KANK4: variants seen among roughly 807,000 people sequenced by gnomAD.
The protein encoded by KANK4 is KN motif and ankyrin repeat domain-containing protein 4.
In KANK4, 50 loss-of-function variants were observed where a neutral mutation model predicts 80.8. The ratio of observed to expected loss-of-function variants is 0.62; its 90% CI spans 0.49 to 0.78. KANK4 has a LOEUF of 0.78. Ranked by LOEUF, KANK4 falls within the 30% of genes least tolerant of loss-of-function variation. The pLI is 0.00. For synonymous variants in KANK4, 465 were observed against 506.9 expected (o/e 0.92, Z 1.11); for missense variants, 1,196 against 1,240.1 (o/e 0.96, Z 0.53).
At chr1:62,313,696 G>A (rs1644515706) in intron 1 of KANK4, among the ~76,000 whole-genome samples, 1 of 151,778 alleles carries the variant, frequency 6.6e-6, no homozygotes, top group Non-Finnish European at 1.5e-5. Context: ...ACTGGGGCCT[G>A]CTGAGGGTGA....
intron 8 of KANK4, among the ~76,000 whole-genome samples, chr1:62,250,749 A>G (rs1671595998): frequency 6.6e-6 from 1 of 152,208 alleles, no homozygotes; most frequent in Admixed American, 6.5e-5. Flanking sequence ...ATTAGTTAAA[A>G]TGAAACATTA....
intron 7 of KANK4, among the ~76,000 whole-genome samples, chr1:62,255,375 T>C (rs989546360): frequency 5.3e-5 from 8 of 152,262 alleles, no homozygotes; most frequent in Non-Finnish European, 1.2e-4. Flanking sequence ...AACGTCTTTG[T>C]ACTGTTACTT....
intron 7 of KANK4, among the ~76,000 whole-genome samples, chr1:62,258,927 G>A (rs796870576): frequency 2.0e-4 from 30 of 152,206 alleles, no homozygotes; most frequent in African/African-American, 6.3e-4. Flanking sequence ...CCAGGTAGAA[G>A]GCAAATACAA....
chr1:62,271,590 C>T lies in KANK4; in HGVS notation c.1901-1G>A. The T allele has an allele frequency of 6.2e-7, 1 of 1,600,108 alleles. No homozygotes were observed. The highest frequency in any genetic ancestry group is 8.6e-7 in the Non-Finnish European group (1 of 1,167,326). ...TTAAGGCTGGTCGATGGGGAGATCT[C>T]TAGGCAGACACAACATCACAGGTTA... On this transcript the variant is annotated splice_acceptor_variant, in intron 3 of 9. Coordinates refer to ENST00000371153, the MANE Select transcript of KANK4 (RefSeq NM_181712.5). LOFTEE classifies it high-confidence loss of function.
At position 62,274,934 on chromosome 1, in the gene KANK4, A is replaced by T. The variant is rs189385854; in HGVS notation, c.170T>A (p.Ile57Asn). Residue 57 changes from isoleucine (I) to asparagine (N), a missense_variant, in exon 3 of 10, where the codon ATC (isoleucine) becomes AAC (asparagine). Around this residue, in one of 3 missense-constraint regions of KANK4, gnomAD observed 1,154 missense variants for 1,179.6 expected, o/e 0.98. Transcript: ENST00000371153. ...TTTGGCCTGCTTGGCCCTTCTGTGG[A>T]TAGGAATTCTTTTGATAGTGTTTCC... is the stretch of plus-strand genomic sequence containing the variant. ...EKGNTIKRIP[I>N]HRRAKQAKFS... 1.6e-4 allele frequency: 259 copies of T among 1,614,000 alleles called. 2 individuals carry two copies. In the East Asian group the frequency reaches 5.6e-3, roughly 35 times the overall value.
chr1:62,265,590 T>C (rs921961192), intron 6 of KANK4, among the ~76,000 whole-genome samples: 1 of 152,114 alleles, frequency 6.6e-6, no homozygotes, highest in Non-Finnish European at 1.5e-5. Flanking sequence ...TCAGCTAAGA[T>C]AAAATAACAA....
chr1:62,305,630 T>C (rs1644445502), intron 1 of KANK4, among the ~76,000 whole-genome samples: 1 of 151,860 alleles, frequency 6.6e-6, no homozygotes, highest in Admixed American at 6.6e-5. Flanking sequence ...ATTTTAATGT[T>C]AAACAGCACT....
intron 6 of KANK4, among the ~76,000 whole-genome samples, chr1:62,264,797 G>A (rs970944900): frequency 6.6e-6 from 1 of 152,126 alleles, no homozygotes; most frequent in African/African-American, 2.4e-5. Flanking sequence ...GGAACAGAGG[G>A]GTGGATTTTG....
rs193180231 is a variant in KANK4 at position 62,303,107 on chromosome 1, T to G, written c.-71+15999A>C. Among the ~76,000 whole-genome samples, 5 of 152,162 alleles carry G rather than the reference T, an allele frequency of 3.3e-5. No individual in the cohort carries two copies. In the East Asian group the frequency reaches 9.7e-4, roughly 29 times the overall value. ...GAGACTGAGGGCTGTGTGAATGGAC[T>G]TGGGAACTTACGAAGTGTAGATGAG... On this transcript the variant is annotated intron_variant, in intron 1 of 9. Transcript: ENST00000371153.
At chr1:62,300,441 G>A (rs1400767052) in intron 1 of KANK4, among the ~76,000 whole-genome samples, 1 of 152,108 alleles carries the variant, frequency 6.6e-6, no homozygotes, top group Non-Finnish European at 1.5e-5. Flanking sequence ...AAGGACCTAT[G>A]TGGTGTTAGA....
At chr1:62,243,170 C>T (rs1357797567) in intron 9 of KANK4, among the ~76,000 whole-genome samples, 7 of 152,132 alleles carry the variant, frequency 4.6e-5, no homozygotes, top group Non-Finnish European at 1.0e-4. Context: ...CAGTCCCTCC[C>T]TTCCAGGCTT....
At chr1:62,258,325 T>C (rs1355302518) in intron 7 of KANK4, among the ~76,000 whole-genome samples, 2 of 152,218 alleles carry the variant, frequency 1.3e-5, no homozygotes, top group Admixed American at 6.5e-5. Flanking sequence ...GCTTCTAACG[T>C]TGAATACAGT....
chr1:62,287,669 A>G (rs1672598794), intron 1 of KANK4, among the ~76,000 whole-genome samples: 1 of 152,278 alleles, frequency 6.6e-6, no homozygotes. Context: ...ATCCAAGAGC[A>G]GAGTGTCCTG....
At chr1:62,299,477 G>A (rs887469959) in intron 1 of KANK4, among the ~76,000 whole-genome samples, 4 of 152,128 alleles carry the variant, frequency 2.6e-5, no homozygotes, top group African/African-American at 4.8e-5. Context: ...GTACAGGACC[G>A]GGGGTGCAGA....
intron 9 of KANK4, among the ~76,000 whole-genome samples, chr1:62,244,199 ATTTTTTT>A (rs370676636): frequency 2.2e-5 from 3 of 138,114 alleles, no homozygotes; most frequent in African/African-American, 5.5e-5. Context: ...TTTATTTTTT[ATTTTTTT>A]TTTTTTTGAG....
chr1:62,312,581 G>T (rs193266489), intron 1 of KANK4, among the ~76,000 whole-genome samples: 45 of 152,228 alleles, frequency 3.0e-4, no homozygotes, highest in Non-Finnish European at 5.9e-4. Context: ...CACCCTTTCT[G>T]CCTCAAAAGT....
At chr1:62,311,255 A>C (rs974027407) in intron 1 of KANK4, among the ~76,000 whole-genome samples, 2 of 146,262 alleles carry the variant, frequency 1.4e-5, no homozygotes, top group Non-Finnish European at 2.9e-5. Context: ...GGTACCCTAG[A>C]GCAAGTGTTT....
rs1435123079 is a variant in KANK4, at chr1:62,274,397, T to A, written c.707A>T (p.Glu236Val). 1.9e-6 allele frequency: 3 copies of A among 1,614,184 alleles called. No individual in the cohort carries two copies. The highest frequency in any genetic ancestry group is 2.5e-6 in the Non-Finnish European group (3 of 1,180,014). Residue 236 changes from glutamate (E) to valine (V), a missense_variant, in exon 3 of 10, where the codon GAG becomes GTG. By Grantham distance (121) the Glu-to-Val change is moderately radical (BLOSUM62 -2). Around this residue, in one of 3 missense-constraint regions of KANK4, gnomAD observed 1,154 missense variants for 1,179.6 expected, o/e 0.98. Coordinates refer to ENST00000371153, the MANE Select transcript of KANK4 (RefSeq NM_181712.5). ...GTGATTTGGAACCTTCACCACACCC[T>A]CTGGAGGCTCAGCTCCCTCCTGGAC... ...ELVQEGAEPP[E>V]GVVKVPNHLP...
At chr1:62,266,241 C>T (rs1449582417) in intron 6 of KANK4, among the ~76,000 whole-genome samples, 2 of 152,220 alleles carry the variant, frequency 1.3e-5, no homozygotes, top group Non-Finnish European at 2.9e-5. Context: ...TCACTTCAGG[C>T]AGCAGTGCTT....
Sources: allele counts gnomAD v4.1 joint callset (sites outside exome capture counted in the v4.1 genomes callset), GRCh38; gene constraint gnomAD v4.1.1; regional missense constraint gnomAD v4.1.1; transcripts MANE v1.5; gene names NCBI Gene and HGNC (gene_info 2026-07-23, HGNC 2026-07-21).